The following PLXNA1 variants were observed in gnomAD, a reference collection of about 807,000 sequenced individuals.
PLXNA1 encodes plexin A1, also known as plexin-A1.
A neutral mutation model predicts 191.7 loss-of-function variants in PLXNA1; 77 were observed. The observed-to-expected ratio is 0.40, with a 90% CI of 0.33 to 0.49. PLXNA1 has a LOEUF of 0.49. Among genes scored for constraint, PLXNA1 ranks in the 20% least tolerant of loss-of-function variants. The pLI is 0.63. For synonymous variants in PLXNA1, 1,137 were observed against 1,156.4 expected, an observed-to-expected ratio of 0.98 and a Z score of 0.34; for missense variants, 2,110 against 2,660.2, an observed-to-expected ratio of 0.79 and a Z score of 4.55.
At chr3:127,007,999 C>G in intron 9 of PLXNA1, 86 bp downstream of exon 9, 8 of 873,284 alleles carry the variant, frequency 9.2e-6, no homozygotes, top group Non-Finnish European at 1.5e-5. Flanking sequence ...CGCCTGAGGC[C>G]TGGCCCAGGG....
intron 14 of PLXNA1, 33 bp downstream of exon 14, chr3:127,014,864 T>C (rs1209237217): frequency 1.2e-6 from 2 of 1,601,116 alleles, no homozygotes; most frequent in Non-Finnish European, 1.7e-6. Context: ...CTCCCTATTC[T>C]CTGCTGCTCT....
chr3:127,024,995 A>G (rs2079170032), intron 23 of PLXNA1, among the ~76,000 whole-genome samples: 1 of 152,170 alleles, frequency 6.6e-6, no homozygotes, highest in Non-Finnish European at 1.5e-5. Context: ...GCTCCCACAC[A>G]TGCACAGTCT....
Position 127,028,217 on chromosome 3 carries a change from C to T in PLXNA1, c.4546C>T (p.Pro1516Ser). 3 of 1,613,194 alleles carry T rather than the reference C, an allele frequency of 1.9e-6. No individual in the cohort carries two copies. Among genetic ancestry groups the T allele is most frequent in the Non-Finnish European group, 2.5e-6 (3 of 1,180,002 alleles). The change falls in exon 25 of 32, where the codon CCT (proline) becomes TCT (serine). Residue 1516 changes from proline to serine, a missense_variant. Pro to Ser is a moderately conservative substitution (Grantham distance 74). Around this residue, in one of 4 missense-constraint regions of PLXNA1, gnomAD observed 559 missense variants for 911.5 expected, o/e 0.61. Coordinates refer to ENST00000393409, the MANE Select transcript of PLXNA1 (RefSeq NM_032242.4). ...TGTGAACCCTGAGAATGAGAATGCA[C>T]CTGAGGTGCCGGTGAAGGGGCTGGA... is the stretch of plus-strand genomic sequence containing the variant. The part of the protein sequence containing the change: ...NCVNPENENA[P>S]EVPVKGLDCD...
intron 10 of PLXNA1, among the ~76,000 whole-genome samples, chr3:127,013,541 C>T (rs567533027): frequency 3.3e-5 from 5 of 152,288 alleles, no homozygotes; most frequent in East Asian, 3.9e-4. Context: ...GAGGAGGGGA[C>T]GGGGAGCAGA....
Position 127,028,096 on chromosome 3 carries a change from G to A in PLXNA1, c.4509+10G>A, listed in dbSNP as rs1226918516. ...TGACTACAAGACACTGGTGAGCGTG[G>A]CTGCCCTCTGTCCTGGGTGCCCTGG... On this transcript the variant is annotated intron_variant, in intron 24 of 31. Coordinates refer to ENST00000393409, the MANE Select transcript of PLXNA1 (RefSeq NM_032242.4). 3.1e-6 allele frequency: 5 copies of A among 1,613,834 alleles called. No homozygotes were observed. Among genetic ancestry groups the A allele is most frequent in the Non-Finnish European group, 4.2e-6 (5 of 1,179,956 alleles).
At position 127,014,567 on chromosome 3, in the gene PLXNA1, G is replaced by A; in HGVS notation, c.2694G>A (p.Leu898=). The A allele has an allele frequency of 6.2e-7, 1 of 1,612,818 alleles. No individual in the cohort carries two copies. The highest frequency in any genetic ancestry group is 8.5e-7 in the Non-Finnish European group (1 of 1,179,874). Reference sequence around the variant, plus strand: ...GCCTGCGATTCGAAGACGTGCGTCTGGGCGTGCGCGTGGGCAAGGTGCTGT... The same window carrying A: ...GCCTGCGATTCGAAGACGTGCGTCTAGGCGTGCGCGTGGGCAAGGTGCTGT... ...NLGLRFEDVR[L]GVRVGKVLCS... is the part of the protein sequence containing the mutation. The change falls in exon 13 of 32, where the codon CTG becomes CTA. Residue 898 remains leucine (L), a synonymous_variant. Coordinates refer to ENST00000393409, the MANE Select transcript of PLXNA1 (RefSeq NM_032242.4).
Position 127,003,453 on chromosome 3 carries a change from G to C in PLXNA1, c.1501G>C (p.Ala501Pro). The change falls in exon 4 of 32, where the codon GCC becomes CCC. Residue 501 changes from alanine (A) to proline (P), a missense_variant. Physicochemically the swap from Ala to Pro is conservative, Grantham distance 27. Around this residue, in one of 4 missense-constraint regions of PLXNA1, gnomAD observed 903 missense variants for 1,015.7 expected, o/e 0.89. Transcript: ENST00000393409. Reference protein sequence around the residue: ...VLSPNHQYLYAMTEKQVTRVP... With the variant: ...VLSPNHQYLYPMTEKQVTRVP... ...CAGCCCCAACCACCAGTACCTCTAC[G>C]CCATGACCGAGAAGCAGGTGGGTGC... 6.2e-7 allele frequency: 1 copy of C among 1,610,146 alleles called. No individual in the cohort carries two copies.
At chr3:126,994,478 C>T (rs1355731482) in intron 3 of PLXNA1, among the ~76,000 whole-genome samples, 1 of 152,088 alleles carries the variant, frequency 6.6e-6, no homozygotes, top group Non-Finnish European at 1.5e-5. Flanking sequence ...GCAGAGGGTG[C>T]CCTGGGTTTG....
At chr3:126,984,424 C>G (rs982988009) in intron 1 of PLXNA1, among the ~76,000 whole-genome samples, 4 of 152,190 alleles carry the variant, frequency 2.6e-5, no homozygotes, top group Admixed American at 6.5e-5. Context: ...AGGGATGGGG[C>G]GCAGTTTCTG....
At chr3:127,033,851 A>G (rs2079224850) in intron 31 of PLXNA1, 71 bp from the exon 32 acceptor site, 1 of 1,354,066 alleles carries the variant, frequency 7.4e-7, no homozygotes, top group East Asian at 2.5e-5. Flanking sequence ...CTCTGGAGGC[A>G]TCTGCCCTGG....
At chr3:126,984,144 G>A (rs1282831440) in intron 1 of PLXNA1, among the ~76,000 whole-genome samples, 1 of 152,210 alleles carries the variant, frequency 6.6e-6, no homozygotes, top group African/African-American at 2.4e-5. Context: ...GGAAGGGGGA[G>A]TGGGGACTCC....
intron 10 of PLXNA1, 78 bp downstream of exon 10, chr3:127,012,236 G>A (rs1315436979): frequency 1.4e-6 from 2 of 1,460,440 alleles, no homozygotes; most frequent in East Asian, 2.4e-5. Context: ...GTCCTGGCGT[G>A]TGCTTGTTCA....
intron 29 of PLXNA1, chr3:127,032,034 CAGTG>C (rs1328365279): frequency 3.9e-6 from 1 of 257,926 alleles, no homozygotes; most frequent in Admixed American, 5.0e-5. Context: ...CTGCAGGTCT[CAGTG>C]CAGGAGCCAT....
intron 29 of PLXNA1, among the ~76,000 whole-genome samples, chr3:127,032,171 C>T (rs1246738664): frequency 6.6e-6 from 1 of 152,214 alleles, no homozygotes; most frequent in Non-Finnish European, 1.5e-5. Context: ...TCATGATGCT[C>T]TGCGTGAGAT....
chr3:127,017,346 C>T, intron 17 of PLXNA1, 79 bp from the exon 18 acceptor site: 1 of 1,534,672 alleles, frequency 6.5e-7, no homozygotes, highest in Non-Finnish European at 8.8e-7. Context: ...AGGCAGCCCC[C>T]AGGCCAGGGG....
intron 1 of PLXNA1, among the ~76,000 whole-genome samples, chr3:126,984,640 C>G (rs1356688779): frequency 2.1e-5 from 3 of 143,266 alleles, no homozygotes; most frequent in African/African-American, 8.3e-5. Flanking sequence ...CAGTGGGGCC[C>G]AGGAAGGGCG....
intron 3 of PLXNA1, among the ~76,000 whole-genome samples, chr3:126,996,822 G>A (rs1000088831): frequency 7.9e-5 from 12 of 152,092 alleles, no homozygotes; most frequent in Non-Finnish European, 1.3e-4. Flanking sequence ...CTTTGGGGAC[G>A]TGCCCCTTGC....
intron 16 of PLXNA1, 106 bp downstream of exon 16, chr3:127,016,790 A>T: frequency 7.0e-7 from 1 of 1,427,324 alleles, no homozygotes; most frequent in Non-Finnish European, 9.7e-7. Flanking sequence ...CATGCCGGGT[A>T]CTATCCTGCC....
rs983196164 is a variant in PLXNA1 at position 127,036,593 on chromosome 3, C to G, written c.*2576C>G. On this transcript the variant is annotated 3_prime_UTR_variant, in exon 32 of 32. Coordinates refer to ENST00000393409, the MANE Select transcript of PLXNA1 (RefSeq NM_032242.4). ...AGGTCGTGGAGTTAGGCCCCAGTCC[C>G]TACTTGTCACTGGTTCCCACTGTGC... 6.6e-6 allele frequency: 1 copy of G among 152,438 alleles called. No homozygotes were observed. The allele number at this position is 152,438 out of a possible 1,614,324, so 9.4% of individuals were successfully genotyped here.
Sources: allele counts gnomAD v4.1 joint callset (sites outside exome capture counted in the v4.1 genomes callset), GRCh38; gene constraint gnomAD v4.1.1; regional missense constraint gnomAD v4.1.1; transcripts MANE v1.5; gene names NCBI Gene and HGNC (gene_info 2026-07-23, HGNC 2026-07-21).